Variants in IFT57 observed in about 807,000 individuals in gnomAD.
The protein encoded by IFT57 is intraflagellar transport protein 57 homolog.
IFT57 carries 59 observed loss-of-function variants against 56.8 expected under a neutral mutation model. That is an observed-to-expected ratio of 1.04 (90% CI 0.84 to 1.29). The LOEUF (loss-of-function observed/expected upper bound fraction) is 1.29. Ranked by LOEUF, IFT57 falls within the 50% of genes most tolerant of loss-of-function variation. IFT57 has a pLI of 0.00. For missense variants in IFT57, 470 were observed against 522.1 expected (o/e 0.90, Z 0.97); for synonymous variants, 209 against 186.1 (o/e 1.12, Z -1.00).
intron 5 of IFT57, among the ~76,000 whole-genome samples, chr3:108,195,440 A>G (rs989565659): frequency 6.6e-6 from 1 of 152,194 alleles, no homozygotes. Flanking sequence ...CTAAAAATCT[A>G]TCATATAATC....
At chr3:108,186,627 C>T (rs1044311562) in intron 6 of IFT57, among the ~76,000 whole-genome samples, 4 of 152,012 alleles carry the variant, frequency 2.6e-5, no homozygotes, top group South Asian at 2.1e-4. Flanking sequence ...TATACAGAAA[C>T]GTTTTTAAAG....
chr3:108,189,473 T>G (rs140997734), intron 6 of IFT57, among the ~76,000 whole-genome samples: 2 of 152,284 alleles, frequency 1.3e-5, no homozygotes, highest in East Asian at 3.9e-4. Flanking sequence ...TTTTGGTTTT[T>G]TTGGTGGGGG....
intron 5 of IFT57, among the ~76,000 whole-genome samples, chr3:108,200,381 C>T (rs1466101187): frequency 6.6e-6 from 1 of 151,914 alleles, no homozygotes; most frequent in Non-Finnish European, 1.5e-5. Context: ...TTAATGACTA[C>T]CGAGATGGCC....
At chr3:108,202,546 C>T (rs2080284970) in intron 5 of IFT57, among the ~76,000 whole-genome samples, 1 of 152,210 alleles carries the variant, frequency 6.6e-6, no homozygotes, top group South Asian at 2.1e-4. Context: ...ATTTCAAGAA[C>T]ACTCAGGAAT....
intron 9 of IFT57, 81 bp downstream of exon 9, chr3:108,165,350 C>G: frequency 9.8e-7 from 1 of 1,016,106 alleles, no homozygotes; most frequent in Non-Finnish European, 1.5e-6. Flanking sequence ...CTGAAATTAG[C>G]AGTGTTAAAC....
intron 2 of IFT57, 76 bp downstream of exon 2, chr3:108,219,330 GGCTA>G (rs2080391769): frequency 5.9e-6 from 7 of 1,182,326 alleles, no homozygotes; most frequent in Non-Finnish European, 7.5e-6. Flanking sequence ...TCATCTAAAT[GGCTA>G]GCATTTGTTA....
chr3:108,213,796 C>T (rs1210294517), intron 4 of IFT57, 135 bp downstream of exon 4: 1 of 606,576 alleles, frequency 1.6e-6, no homozygotes, highest in Non-Finnish European at 2.9e-6. Context: ...ATACTCAGCA[C>T]TGTATTTAAA....
chr3:108,195,937 G>T (rs2080242171), intron 5 of IFT57, among the ~76,000 whole-genome samples: 1 of 152,010 alleles, frequency 6.6e-6, no homozygotes, highest in Admixed American at 6.6e-5. Flanking sequence ...GCACAATAGG[G>T]CAACTATAAT....
chr3:108,170,902 A>C (rs1489542764), intron 6 of IFT57, among the ~76,000 whole-genome samples: 2 of 152,060 alleles, frequency 1.3e-5, no homozygotes, highest in Non-Finnish European at 2.9e-5. Flanking sequence ...ACAATGGGGA[A>C]AGGATTCCCT....
Position 108,180,985 on chromosome 3 carries a change from A to G in IFT57, c.777+10536T>C, listed in dbSNP as rs147710783. 5.6e-3 allele frequency among the ~76,000 whole-genome samples: 845 copies of G among 152,150 alleles called. 15 individuals are homozygous for G. Among genetic ancestry groups the G allele is most frequent in the African/African-American group, 0.02 (812 of 41,558 alleles). On this transcript the variant is annotated intron_variant, in intron 6 of 10. Coordinates refer to ENST00000264538, the MANE Select transcript of IFT57 (RefSeq NM_018010.4). ...TGAGGCATTAGCAACTTCCCTCTGCAGTATTTATATAACATGAAGTCTATT... is the reference window on the plus strand; with the variant it reads ...TGAGGCATTAGCAACTTCCCTCTGCGGTATTTATATAACATGAAGTCTATT...
Position 108,162,566 on chromosome 3 carries a change from G to A in IFT57, c.1201C>T (p.Leu401=). Residue 401 remains leucine, a synonymous_variant, in exon 11 of 11, where the codon CTA becomes TTA. Transcript: ENST00000264538. The part of the protein sequence containing the change: ...DIRIGIVEHT[L]LQSKLKEKSN... ...TTCTCCTTCAGCTTTGATTGGAGTA[G>A]TGTGTGTTCCACAATGCCAATTCTA... is the stretch of plus-strand genomic sequence containing the variant. 6.2e-7 allele frequency: 1 copy of A among 1,613,086 alleles called. No homozygotes were observed. The highest frequency in any genetic ancestry group is 8.5e-7 in the Non-Finnish European group (1 of 1,179,280).
intron 3 of IFT57, among the ~76,000 whole-genome samples, chr3:108,215,320 G>A (rs1296728912): frequency 6.6e-6 from 1 of 152,066 alleles, no homozygotes; most frequent in African/African-American, 2.4e-5. Context: ...CCAGCACTTT[G>A]GGAGGCCAAG....
intron 4 of IFT57, among the ~76,000 whole-genome samples, chr3:108,210,246 G>A (rs113663443): frequency 0.02 from 3,026 of 151,318 alleles, 118 homozygotes; most frequent in African/African-American, 0.07. Flanking sequence ...AATTATTAAT[G>A]TGTCCTAACT....
intron 6 of IFT57, among the ~76,000 whole-genome samples, chr3:108,183,176 T>A (rs1046855876): frequency 6.6e-6 from 1 of 151,902 alleles, no homozygotes; most frequent in Non-Finnish European, 1.5e-5. Context: ...CATTGTGATT[T>A]AAAAAAAACT....
chr3:108,218,368 A>T, intron 3 of IFT57, 167 bp downstream of exon 3: 1 of 446,866 alleles, frequency 2.2e-6, no homozygotes, highest in Non-Finnish European at 4.0e-6. Context: ...TGAAGACGTG[A>T]GACATTCTAA....
At chr3:108,212,683 T>C (rs1168658938) in intron 4 of IFT57, among the ~76,000 whole-genome samples, 1 of 152,228 alleles carries the variant, frequency 6.6e-6, no homozygotes, top group Non-Finnish European at 1.5e-5. Flanking sequence ...AGATAGCATC[T>C]AATCTATTTA....
intron 5 of IFT57, among the ~76,000 whole-genome samples, chr3:108,205,922 T>A (rs1311604985): frequency 1.6e-5 from 2 of 123,856 alleles, no homozygotes; most frequent in South Asian, 2.4e-4. Context: ...ATATATATTA[T>A]TTATAATATA....
chr3:108,220,269 G>A (rs964786116), intron 1 of IFT57, among the ~76,000 whole-genome samples: 5 of 152,286 alleles, frequency 3.3e-5, no homozygotes, highest in Admixed American at 6.5e-5. Flanking sequence ...ACAGTTCTAC[G>A]AGGATCAGTA....
intron 4 of IFT57, among the ~76,000 whole-genome samples, chr3:108,207,900 G>A (rs1346821720): frequency 6.6e-5 from 10 of 152,042 alleles, no homozygotes; most frequent in African/African-American, 2.2e-4. Context: ...AAAATTAGCC[G>A]GGCGTGGTGG....
Sources: gnomAD v4.1 joint callset for allele counts (sites outside exome capture counted in the v4.1 genomes callset) on GRCh38, gnomAD v4.1.1 for gene constraint, MANE v1.5 for transcripts, NCBI Gene and HGNC (gene_info 2026-07-23, HGNC 2026-07-21) for gene names.